The following CADM2 variants were observed in gnomAD, a reference collection of about 807,000 sequenced individuals.
The protein encoded by CADM2 is immunoglobulin superfamily member 4D.
Under a neutral mutation model 49.8 loss-of-function variants are expected in CADM2, and 12 were observed. The observed-to-expected ratio is 0.24, with a 90% CI of 0.15 to 0.39. The LOEUF is 0.39. Among genes scored for constraint, CADM2 ranks in the 10% least tolerant of loss-of-function variants. The pLI, the probability that CADM2 is intolerant of heterozygous loss-of-function variation, is 1.00. For missense variants in CADM2, 378 were observed against 492.3 expected (o/e 0.77, Z 2.20); for synonymous variants, 214 against 175.4 (o/e 1.22, Z -1.74).
chr3:85,824,055 C>T (rs1034573812), intron 3 of CADM2, among the ~76,000 whole-genome samples: 2 of 152,108 alleles, frequency 1.3e-5, no homozygotes, highest in South Asian at 4.1e-4. Context: ...CTATGCATTT[C>T]GCTGTTGTAA....
rs116015055 is a variant in CADM2 at position 85,152,414 on chromosome 3, C to T, written c.61+192746C>T. Among the ~76,000 whole-genome samples, 815 of 152,262 alleles carry T rather than the reference C, an allele frequency of 5.4e-3. 7 individuals are homozygous for T. The highest frequency in any genetic ancestry group is 0.017 in the Middle Eastern group (5 of 294). The stretch of plus-strand genomic sequence containing the variant: ...TCCTACTCTCTTATCCTGCTTCTTA[C>T]TGTGTCGGTGCTGACTGAGACGATT... On this transcript the variant is annotated intron_variant, in intron 1 of 9. Coordinates refer to ENST00000383699, the MANE Select transcript of CADM2 (RefSeq NM_001167675.2).
intron 1 of CADM2, among the ~76,000 whole-genome samples, chr3:85,343,736 C>T (rs2030215614): frequency 6.6e-6 from 1 of 152,168 alleles, no homozygotes; most frequent in Non-Finnish European, 1.5e-5. Flanking sequence ...AGGAAGATTG[C>T]TGAATGCTTG....
At chr3:85,921,705 T>C (rs928218494) in intron 6 of CADM2, among the ~76,000 whole-genome samples, 2 of 152,100 alleles carry the variant, frequency 1.3e-5, no homozygotes, top group East Asian at 3.9e-4. Context: ...CTCTGCATTG[T>C]GTAGTTCTAT....
chr3:85,962,579 C>T (rs1196843499), intron 8 of CADM2, among the ~76,000 whole-genome samples: 1 of 151,838 alleles, frequency 6.6e-6, no homozygotes, highest in Non-Finnish European at 1.5e-5. Context: ...ATGGGTTTTT[C>T]ATAAGGTAGC....
At chr3:85,734,976 A>G (rs912021607) in intron 2 of CADM2, among the ~76,000 whole-genome samples, 40 of 113,622 alleles carry the variant, frequency 3.5e-4, no homozygotes, top group East Asian at 6.9e-4. Context: ...AGAAATATAT[A>G]TATGTGTGTG....
intron 1 of CADM2, among the ~76,000 whole-genome samples, chr3:85,200,199 C>G (rs912021230): frequency 3.3e-5 from 5 of 151,934 alleles, no homozygotes; most frequent in Non-Finnish European, 2.9e-5. Flanking sequence ...GTTAATATGA[C>G]CTTCCTTGCA....
intron 1 of CADM2, among the ~76,000 whole-genome samples, chr3:85,705,745 G>A (rs1002394478): frequency 3.9e-5 from 6 of 152,106 alleles, no homozygotes; most frequent in Non-Finnish European, 8.8e-5. Flanking sequence ...GAAGTCCAGT[G>A]GTGACACACA....
At chr3:85,310,222 A>G (rs1260999324) in intron 1 of CADM2, among the ~76,000 whole-genome samples, 1 of 152,204 alleles carries the variant, frequency 6.6e-6, no homozygotes, top group Non-Finnish European at 1.5e-5. Flanking sequence ...ACAATAGACA[A>G]TATTTGCATG....
At chr3:85,053,512 A>T (rs1157600263) in intron 1 of CADM2, among the ~76,000 whole-genome samples, 1 of 151,962 alleles carries the variant, frequency 6.6e-6, no homozygotes, top group Non-Finnish European at 1.5e-5. Flanking sequence ...TTGAACACTT[A>T]AGGCTCTGTG....
chr3:85,862,642 A>G (rs1292582929), intron 3 of CADM2, among the ~76,000 whole-genome samples: 2 of 152,172 alleles, frequency 1.3e-5, no homozygotes, highest in Non-Finnish European at 2.9e-5. Context: ...AAATGATACC[A>G]AATTTTTTCT....
intron 1 of CADM2, 54 bp from the exon 2 acceptor site, chr3:85,726,464 ATCTG>A (rs1457632971): frequency 4.4e-6 from 7 of 1,589,842 alleles, no homozygotes; most frequent in Non-Finnish European, 6.0e-6. Context: ...TTACTAGAGA[ATCTG>A]TCTAATATCT....
chr3:85,862,475 G>T (rs2075573475), intron 3 of CADM2, among the ~76,000 whole-genome samples: 1 of 152,080 alleles, frequency 6.6e-6, no homozygotes, highest in Non-Finnish European at 1.5e-5. Flanking sequence ...TTCTGAGCTT[G>T]TGCCAACGTA....
At chr3:85,411,501 C>T (rs962636379) in intron 1 of CADM2, among the ~76,000 whole-genome samples, 15 of 152,070 alleles carry the variant, frequency 9.9e-5, no homozygotes, top group Non-Finnish European at 1.5e-4. Context: ...TGATTCTTTA[C>T]GGAGAAAGTG....
At chr3:85,428,853 T>C (rs1319900613) in intron 1 of CADM2, among the ~76,000 whole-genome samples, 4 of 151,558 alleles carry the variant, frequency 2.6e-5, no homozygotes, top group Non-Finnish European at 5.9e-5. Context: ...TTAGGTTACT[T>C]AGGTTATTGA....
At chr3:85,334,352 G>T (rs147219971) in intron 1 of CADM2, among the ~76,000 whole-genome samples, 2 of 151,666 alleles carry the variant, frequency 1.3e-5, no homozygotes, top group East Asian at 3.9e-4. Context: ...ATGACATATG[G>T]ACTTCAGAAT....
intron 1 of CADM2, among the ~76,000 whole-genome samples, chr3:85,439,698 C>T (rs2037106751): frequency 6.6e-6 from 1 of 151,864 alleles, no homozygotes; most frequent in African/African-American, 2.4e-5. Flanking sequence ...ACTTGACTCC[C>T]CCTAAAATTT....
chr3:85,332,831 G>GAA (rs1331563975), intron 1 of CADM2, among the ~76,000 whole-genome samples: 6 of 150,096 alleles, frequency 4.0e-5, no homozygotes, highest in Middle Eastern at 3.2e-3. Flanking sequence ...AAAAATCTGT[G>GAA]AACAAGGCTT....
chr3:85,732,094 CAAAAAAAA>C (rs3044020), intron 2 of CADM2, among the ~76,000 whole-genome samples: 1 of 90,800 alleles, frequency 1.1e-5, no homozygotes, highest in African/African-American at 4.4e-5. Flanking sequence ...CTAAGAATAC[CAAAAAAAA>C]AAAAAAAAAA....
In CADM2 at chr3:85,431,860, C is replaced by CATATGTATAT. The variant is rs139257494; in HGVS notation, c.62-294658_62-294657insGTATATATAT. ...AACACCATGGTCTTATGCTTAATTGCATATATATATATGCCATGCTCTTTC... is the reference window on the plus strand; with the variant it reads ...AACACCATGGTCTTATGCTTAATTGCATATGTATATATATATATATATGCCATGCTCTTTC... On this transcript the variant is annotated intron_variant, in intron 1 of 9. Coordinates refer to ENST00000383699, the MANE Select transcript of CADM2 (RefSeq NM_001167675.2). 2.3e-4 allele frequency among the ~76,000 whole-genome samples: 12 copies of CATATGTATAT among 51,862 alleles called. 2 individuals carry two copies. Among genetic ancestry groups the CATATGTATAT allele is most frequent in the East Asian group, 5.6e-4 (1 of 1,772 alleles). The allele number at this position is 51,862 out of a possible 152,430, so 34.0% of individuals were successfully genotyped here.
Sources: allele counts gnomAD v4.1 joint callset (sites outside exome capture counted in the v4.1 genomes callset), GRCh38; gene constraint gnomAD v4.1.1; transcripts MANE v1.5; gene names NCBI Gene and HGNC (gene_info 2026-07-23, HGNC 2026-07-21).